NELL2: variants seen among roughly 807,000 people sequenced by gnomAD.
NELL2 encodes protein kinase C-binding protein NELL2.
NELL2 carries 41 observed loss-of-function variants against 109.6 expected under a neutral mutation model. The observed-to-expected ratio is 0.37, with a 90% CI of 0.29 to 0.49. The LOEUF is 0.49. Ranked by LOEUF, NELL2 falls within the 20% of genes least tolerant of loss-of-function variation. NELL2 has a pLI of 0.98. For synonymous variants in NELL2, 355 were observed against 344.7 expected, an observed-to-expected ratio of 1.03 and a Z score of -0.33; for missense variants, 900 against 1,008.3, an observed-to-expected ratio of 0.89 and a Z score of 1.45.
At chr12:44,693,699 C>T (rs1188961089) in intron 12 of NELL2, among the ~76,000 whole-genome samples, 1 of 152,054 alleles carries the variant, frequency 6.6e-6, no homozygotes, top group Admixed American at 6.6e-5. Flanking sequence ...AGTTGAAGCA[C>T]AATAGAAAGT....
intron 13 of NELL2, among the ~76,000 whole-genome samples, chr12:44,657,519 T>C (rs1364456060): frequency 6.6e-6 from 1 of 152,168 alleles, no homozygotes; most frequent in Admixed American, 6.5e-5. Flanking sequence ...CTGGGATACA[T>C]GTGCAGAACG....
chr12:44,671,217 G>C (rs192039766), intron 12 of NELL2, among the ~76,000 whole-genome samples: 5 of 151,900 alleles, frequency 3.3e-5, no homozygotes, highest in Non-Finnish European at 2.9e-5. Context: ...AAATTACGAA[G>C]ACAATAAAAA....
At chr12:44,676,786 C>T (rs11182608) in intron 12 of NELL2, among the ~76,000 whole-genome samples, 26,368 of 151,876 alleles carry the variant, frequency 0.17, 2,393 homozygotes, top group East Asian at 0.23. Context: ...ATAAATAACA[C>T]ACATGGAGAA....
intron 19 of NELL2, among the ~76,000 whole-genome samples, chr12:44,515,489 G>C (rs549876927): frequency 3.3e-4 from 50 of 151,974 alleles, no homozygotes; most frequent in African/African-American, 1.2e-3. Context: ...ATAAAATTAA[G>C]GTTGTCTACT....
chr12:44,778,273 G>T (rs1236860067), intron 5 of NELL2, among the ~76,000 whole-genome samples: 1 of 152,118 alleles, frequency 6.6e-6, no homozygotes, highest in Non-Finnish European at 1.5e-5. Flanking sequence ...TGTTTAATCT[G>T]ATTAATAGCA....
upstream of NELL2, among the ~76,000 whole-genome samples, chr12:44,918,510 T>G (rs964851740): frequency 7.0e-6 from 1 of 142,140 alleles, no homozygotes; most frequent in Non-Finnish European, 1.5e-5. Context: ...TGTTCATGCA[T>G]GCATGTATGT....
At chr12:44,671,328 C>T (rs949916435) in intron 12 of NELL2, among the ~76,000 whole-genome samples, 3 of 152,042 alleles carry the variant, frequency 2.0e-5, no homozygotes, top group Non-Finnish European at 2.9e-5. Flanking sequence ...TAAATGCCTA[C>T]ATCAAAAAGT....
At chr12:44,875,102 T>C in intron 2 of NELL2, 123 bp downstream of exon 2, 4 of 1,335,096 alleles carry the variant, frequency 3.0e-6, no homozygotes, top group South Asian at 1.5e-5. Flanking sequence ...CTGGCCCTTC[T>C]ACACCTCAGC....
At chr12:44,908,784 C>T (rs1945748004) in intron 1 of NELL2, among the ~76,000 whole-genome samples, 1 of 151,786 alleles carries the variant, frequency 6.6e-6, no homozygotes, top group African/African-American at 2.4e-5. Flanking sequence ...TTTATTTTTG[C>T]CTTTTACAGA....
chr12:44,510,973 T>G (rs1940976527), intron 19 of NELL2, among the ~76,000 whole-genome samples: 1 of 152,188 alleles, frequency 6.6e-6, no homozygotes, highest in African/African-American at 2.4e-5. Flanking sequence ...TATCAGCTCC[T>G]CAAATTATAT....
At chr12:44,565,149 C>T (rs1042569780) in intron 15 of NELL2, among the ~76,000 whole-genome samples, 1 of 152,070 alleles carries the variant, frequency 6.6e-6, no homozygotes, top group Non-Finnish European at 1.5e-5. Flanking sequence ...ACTAAGAAGC[C>T]AAGAATGTTC....
At chr12:44,530,481 G>T (rs1227652441) in intron 16 of NELL2, among the ~76,000 whole-genome samples, 1 of 152,156 alleles carries the variant, frequency 6.6e-6, no homozygotes, top group African/African-American at 2.4e-5. Context: ...TTCTGAGATG[G>T]CCCCAGTGAT....
intron 12 of NELL2, among the ~76,000 whole-genome samples, chr12:44,685,392 T>C (rs1056889485): frequency 4.6e-5 from 7 of 152,194 alleles, no homozygotes; most frequent in African/African-American, 1.2e-4. Context: ...TGTCTTTTAA[T>C]TGCAGCATTT....
At chr12:44,740,108 C>A (rs1437855362) in intron 9 of NELL2, among the ~76,000 whole-genome samples, 1 of 152,126 alleles carries the variant, frequency 6.6e-6, no homozygotes, top group Non-Finnish European at 1.5e-5. Flanking sequence ...TTATTACAGG[C>A]AAAACATAGT....
intron 2 of NELL2, among the ~76,000 whole-genome samples, chr12:44,821,761 A>G (rs534929078): frequency 6.6e-6 from 1 of 151,896 alleles, no homozygotes; most frequent in Non-Finnish European, 1.5e-5. Flanking sequence ...TCTGTTGCCC[A>G]GGCTGGAGTG....
chr12:44,692,553 G>A (rs1238674640), intron 12 of NELL2, among the ~76,000 whole-genome samples: 1 of 152,094 alleles, frequency 6.6e-6, no homozygotes, highest in Admixed American at 6.6e-5. Context: ...GCCATAGATA[G>A]TGATTTCTCT....
At chr12:44,691,042 GA>G (rs1032920749) in intron 12 of NELL2, among the ~76,000 whole-genome samples, 2 of 152,098 alleles carry the variant, frequency 1.3e-5, no homozygotes, top group African/African-American at 2.4e-5. Flanking sequence ...GTTGAGGGGG[GA>G]AAAATCAGCT....
At chr12:44,664,195 A>G (rs1352079344) in intron 13 of NELL2, among the ~76,000 whole-genome samples, 1 of 152,108 alleles carries the variant, frequency 6.6e-6, no homozygotes, top group African/African-American at 2.4e-5. Flanking sequence ...CTACGTCAAG[A>G]AACTCTTCCA....
intron 9 of NELL2, among the ~76,000 whole-genome samples, chr12:44,757,961 A>G (rs1165820565): frequency 6.6e-6 from 1 of 152,012 alleles, no homozygotes; most frequent in African/African-American, 2.4e-5. Context: ...GGATATGGGG[A>G]TATTAGTTAG....
Sources: gnomAD v4.1 joint callset for allele counts (sites outside exome capture counted in the v4.1 genomes callset) on GRCh38, gnomAD v4.1.1 for gene constraint, MANE v1.5 for transcripts, NCBI Gene and HGNC (gene_info 2026-07-23, HGNC 2026-07-21) for gene names.